USP34: variants seen among roughly 807,000 people sequenced by gnomAD.
The protein encoded by USP34 is ubiquitin carboxyl-terminal hydrolase 34.
In USP34, 70 loss-of-function variants were observed where a neutral mutation model predicts 460.3. The observed-to-expected ratio is 0.15, with a 90% CI of 0.13 to 0.19. USP34 has a LOEUF of 0.19. Among genes scored for constraint, USP34 ranks in the 10% least tolerant of loss-of-function variants. USP34 has a pLI of 1.00. For missense variants in USP34, 3,985 were observed against 4,236.2 expected (o/e 0.94, Z 1.65); for synonymous variants, 1,647 against 1,405.3 (o/e 1.17, Z -3.85).
In USP34 at chr2:61,337,455, T is replaced by TG. The variant is rs560727399; in HGVS notation, c.2744+1895_2744+1896insC. 1.8e-3 allele frequency among the ~76,000 whole-genome samples: 279 copies of TG among 152,058 alleles called. 2 individuals carry two copies. The highest frequency in any genetic ancestry group is 2.8e-3 in the Non-Finnish European group (187 of 67,964). On this transcript the variant is annotated intron_variant, in intron 18 of 79. Transcript: ENST00000398571. ...AAGAATACGTAGTTATGTTATGTTA[T>TG]TTATTTATTTATTTAGAGACAAGGT...
rs1215669389 is a variant in USP34 at position 61,187,680 on chromosome 2, A to AACTT, written c.*418_*421dup. On this transcript the variant is annotated 3_prime_UTR_variant, in exon 80 of 80. Coordinates refer to ENST00000398571, the MANE Select transcript of USP34 (RefSeq NM_014709.4). ...CTTGTGGTTGTTCCGTATACAAGTA[A>AACTT]ACTTAATTTTGATAATAAGAACCAC... 1 of 539,742 alleles carries AACTT rather than the reference A, an allele frequency of 1.9e-6. No individual in the cohort carries two copies. Among genetic ancestry groups the AACTT allele is most frequent in the Non-Finnish European group, 2.4e-6 (1 of 419,814 alleles). The allele number at this position is 539,742 out of a possible 1,614,324, so 33.4% of individuals were successfully genotyped here.
intron 75 of USP34, among the ~76,000 whole-genome samples, chr2:61,202,353 A>G (rs1397297146): frequency 6.6e-6 from 1 of 152,116 alleles, no homozygotes. Context: ...TCTGAAAACT[A>G]TAGAACATTG....
chr2:61,325,466 T>A lies in USP34; in HGVS notation c.2931-9A>T. 6.8e-7 allele frequency: 1 copy of A among 1,478,248 alleles called. No homozygotes were observed. The highest frequency in any genetic ancestry group is 9.0e-7 in the Non-Finnish European group (1 of 1,110,654). 91.6% of individuals were successfully genotyped at this position (1,478,248 alleles called of 1,614,324 possible). A position where few individuals can be genotyped will look rare whatever the true frequency, so the allele number is the denominator to read the frequency against. On this transcript the variant is annotated splice_polypyrimidine_tract_variant and intron_variant, in intron 20 of 79. Transcript: ENST00000398571. ...CAGCACTATGGCTGTACCTATAATTTAAAAGTCATTAAAATAATTAAATAT... is the reference window on the plus strand; with the variant it reads ...CAGCACTATGGCTGTACCTATAATTAAAAAGTCATTAAAATAATTAAATAT...
Position 61,314,894 on chromosome 2 carries a change from A to T in USP34, c.3363T>A (p.Ile1121=), listed in dbSNP as rs369310008. The change falls in exon 24 of 80, where the codon ATT becomes ATA. Residue 1121 remains isoleucine, a synonymous_variant. Transcript: ENST00000398571. The part of the protein sequence containing the change: ...GDVSRAAIQY[I]NSYYINGKTG... Reference sequence around the variant, plus strand: ...ACTTACCATTAATATAATAGGAGTTAATATACTGGATAGCTGCTCGACTGA... The same window carrying T: ...ACTTACCATTAATATAATAGGAGTTTATATACTGGATAGCTGCTCGACTGA... The T allele has an allele frequency of 3.1e-6, 5 of 1,613,316 alleles. No individual in the cohort carries two copies. Among genetic ancestry groups the T allele is most frequent in the Non-Finnish European group, 4.2e-6 (5 of 1,179,814 alleles).
intron 75 of USP34, among the ~76,000 whole-genome samples, chr2:61,198,414 C>T (rs183704433): frequency 6.6e-6 from 1 of 152,162 alleles, no homozygotes. Context: ...TTACCCATTA[C>T]AACCAAAGTG....
Position 61,435,307 on chromosome 2 carries a change from C to CAAA in USP34, c.44-14477_44-14475dup, listed in dbSNP as rs59158283. On this transcript the variant is annotated intron_variant, in intron 1 of 79. Coordinates refer to ENST00000398571, the MANE Select transcript of USP34 (RefSeq NM_014709.4). ...TGGGCAACAGAGTGAGACCTTGTTT[C>CAAA]AAAAAAAAAAAAAAAAAAAAAAGAA... 2.5e-3 allele frequency among the ~76,000 whole-genome samples: 104 copies of CAAA among 40,926 alleles called. 7 individuals are homozygous for CAAA. Among genetic ancestry groups the CAAA allele is most frequent in the African/African-American group, 9.3e-3 (89 of 9,608 alleles). 26.8% of individuals were successfully genotyped at this position (40,926 alleles called of 152,430 possible).
chr2:61,417,719 C>G (rs1408300828), intron 2 of USP34, among the ~76,000 whole-genome samples: 1 of 130,774 alleles, frequency 7.6e-6, no homozygotes. Context: ...ATACTAAAAT[C>G]TTTTTTTTTT....
chr2:61,242,613 C>T (rs985273984), intron 51 of USP34, among the ~76,000 whole-genome samples: 3 of 151,978 alleles, frequency 2.0e-5, no homozygotes, highest in African/African-American at 7.3e-5. Flanking sequence ...AACAAAGGAT[C>T]CCAGAGAGGT....
intron 5 of USP34, among the ~76,000 whole-genome samples, chr2:61,392,523 C>A (rs186226329): frequency 7.2e-5 from 11 of 152,178 alleles, no homozygotes; most frequent in Admixed American, 1.3e-4. Context: ...ACTAGGGAGG[C>A]TGAGGCAGGA....
At chr2:61,250,071 A>T (rs1217807706) in intron 48 of USP34, 1 of 156,348 alleles carries the variant, frequency 6.4e-6, no homozygotes, top group Non-Finnish European at 1.4e-5. Flanking sequence ...AACATGGCAA[A>T]ACCATGTCTC....
At chr2:61,434,991 T>C (rs1289398122) in intron 1 of USP34, among the ~76,000 whole-genome samples, 1 of 151,822 alleles carries the variant, frequency 6.6e-6, no homozygotes, top group Non-Finnish European at 1.5e-5. Context: ...AGGAAAATAA[T>C]TCATGATTTT....
At chr2:61,415,824 C>G (rs1694177736) in intron 2 of USP34, among the ~76,000 whole-genome samples, 2 of 152,134 alleles carry the variant, frequency 1.3e-5, no homozygotes, top group Admixed American at 6.5e-5. Flanking sequence ...ACAAAATTAT[C>G]TAAGTAGAAT....
chr2:61,423,386 A>T (rs2103978680), intron 1 of USP34, among the ~76,000 whole-genome samples: 1 of 152,320 alleles, frequency 6.6e-6, no homozygotes, highest in Admixed American at 6.5e-5. Flanking sequence ...TGCTGGGATT[A>T]CAGGTCAGAT....
chr2:61,386,570 C>T (rs1693151447), intron 5 of USP34, among the ~76,000 whole-genome samples: 1 of 152,104 alleles, frequency 6.6e-6, no homozygotes, highest in Non-Finnish European at 1.5e-5. Context: ...GCAGATGGAT[C>T]ACAAGCTCAG....
Position 61,333,874 on chromosome 2 carries a change from T to G in USP34, c.2834+8A>C. On this transcript the variant is annotated splice_region_variant and intron_variant, in intron 19 of 79. Coordinates refer to ENST00000398571, the MANE Select transcript of USP34 (RefSeq NM_014709.4). ...TAAAATAAATACTTTTTTCTTTTAT[T>G]TACTTACATTGTTATCCAGTGTGTA... 1 of 1,488,254 alleles carries G rather than the reference T, an allele frequency of 6.7e-7. No homozygotes were observed. The highest frequency in any genetic ancestry group is 9.0e-7 in the Non-Finnish European group (1 of 1,113,936). The allele number at this position is 1,488,254 out of a possible 1,614,324, so 92.2% of individuals were successfully genotyped here.
intron 27 of USP34, among the ~76,000 whole-genome samples, chr2:61,310,702 A>T (rs1690565167): frequency 6.6e-6 from 1 of 151,346 alleles, no homozygotes; most frequent in Admixed American, 6.6e-5. Flanking sequence ...TATTAGGCCT[A>T]CATGAAAAAT....
chr2:61,468,824 T>C (rs931939145), intron 1 of USP34, among the ~76,000 whole-genome samples: 4 of 152,234 alleles, frequency 2.6e-5, no homozygotes, highest in Non-Finnish European at 5.9e-5. Context: ...AAATAAGACC[T>C]TTCATTATGA....
intron 64 of USP34, 100 bp from the exon 65 acceptor site, chr2:61,222,763 C>G (rs1285298301): frequency 9.2e-7 from 1 of 1,084,722 alleles, no homozygotes; most frequent in Non-Finnish European, 1.4e-6. Flanking sequence ...GTGGCGAGAT[C>G]ACAGCTCACT....
chr2:61,199,319 C>G, intron 75 of USP34, among the ~76,000 whole-genome samples: 1 of 151,948 alleles, frequency 6.6e-6, no homozygotes, highest in East Asian at 1.9e-4. Flanking sequence ...GCAATGGCGC[C>G]ATCTCGGCTC....
Sources: allele counts gnomAD v4.1 joint callset (sites outside exome capture counted in the v4.1 genomes callset), GRCh38; gene constraint gnomAD v4.1.1; transcripts MANE v1.5; gene names NCBI Gene and HGNC (gene_info 2026-07-23, HGNC 2026-07-21).